Variants in CEP85 observed in about 807,000 individuals in gnomAD.
CEP85 encodes centrosomal protein 85.
A neutral mutation model predicts 93.7 loss-of-function variants in CEP85; 58 were observed. That is an observed-to-expected ratio of 0.62 (90% confidence interval 0.50 to 0.77). CEP85 has a LOEUF of 0.77. Among genes scored for constraint, CEP85 ranks in the 30% least tolerant of loss-of-function variants. CEP85 has a pLI of 0.00. For missense variants in CEP85, 868 were observed against 922.0 expected, an observed-to-expected ratio of 0.94 and a Z score of 0.76; for synonymous variants, 314 against 338.6, an observed-to-expected ratio of 0.93 and a Z score of 0.80.
At chr1:26,263,256 G>T in intron 7 of CEP85, 1 of 332,120 alleles carries the variant, frequency 3.0e-6, no homozygotes, top group Non-Finnish European at 5.9e-6. Context: ...GATCTTATAA[G>T]GAAGTGCTCA....
At chr1:26,247,669 C>A (rs2089532226) in intron 3 of CEP85, among the ~76,000 whole-genome samples, 1 of 152,048 alleles carries the variant, frequency 6.6e-6, no homozygotes, top group Non-Finnish European at 1.5e-5. Context: ...AAGATAGGGT[C>A]TCTTTTTGTC....
intron 4 of CEP85, among the ~76,000 whole-genome samples, chr1:26,257,351 A>T (rs1028402979): frequency 3.3e-5 from 5 of 152,236 alleles, no homozygotes; most frequent in African/African-American, 9.6e-5. Flanking sequence ...TTGCTAGATA[A>T]TAAAAGATAA....
intron 12 of CEP85, among the ~76,000 whole-genome samples, chr1:26,275,399 G>A (rs534083716): frequency 1.2e-4 from 18 of 151,402 alleles, no homozygotes; most frequent in Non-Finnish European, 2.5e-4. Context: ...CCCTGCCTCA[G>A]CCTCCTGTGT....
At chr1:26,272,827 C>G (rs919231701) in intron 11 of CEP85, among the ~76,000 whole-genome samples, 2 of 151,958 alleles carry the variant, frequency 1.3e-5, no homozygotes, top group African/African-American at 4.8e-5. Context: ...CGGGGTTTCA[C>G]CACGTTGGCC....
At chr1:26,266,642 T>C (rs2089899134) in intron 7 of CEP85, among the ~76,000 whole-genome samples, 1 of 152,248 alleles carries the variant, frequency 6.6e-6, no homozygotes, top group South Asian at 2.1e-4. Context: ...GGGATCTTTC[T>C]TTGTACTGTT....
At chr1:26,239,536 G>T (rs1280395371) in intron 1 of CEP85, among the ~76,000 whole-genome samples, 2 of 150,222 alleles carry the variant, frequency 1.3e-5, no homozygotes, top group Non-Finnish European at 1.5e-5. Context: ...GTTTTTAGTA[G>T]AAATGGGGTT....
intron 4 of CEP85, 23 bp downstream of exon 4, chr1:26,255,888 A>G: frequency 6.4e-7 from 1 of 1,568,868 alleles, no homozygotes; most frequent in Non-Finnish European, 8.7e-7. Context: ...CTTTCCTTGG[A>G]TTTTCTAGGT....
intron 11 of CEP85, chr1:26,272,371 A>G (rs2089987952): frequency 2.6e-6 from 1 of 378,362 alleles, no homozygotes; most frequent in East Asian, 4.4e-5. Context: ...ATGAGGAGTT[A>G]GCCAGGCAAA....
At chr1:26,265,625 T>G (rs1344172516) in intron 7 of CEP85, among the ~76,000 whole-genome samples, 1 of 152,218 alleles carries the variant, frequency 6.6e-6, no homozygotes, top group Non-Finnish European at 1.5e-5. Flanking sequence ...CTGTGGTTGA[T>G]ACTTGCCTCC....
intron 7 of CEP85, among the ~76,000 whole-genome samples, chr1:26,261,442 A>G (rs1336125591): frequency 6.6e-6 from 1 of 152,142 alleles, no homozygotes; most frequent in Non-Finnish European, 1.5e-5. Context: ...ATTGCACCCC[A>G]GCCTAGGCAA....
At chr1:26,250,265 C>G (rs772465939) in intron 3 of CEP85, among the ~76,000 whole-genome samples, 1 of 152,230 alleles carries the variant, frequency 6.6e-6, no homozygotes, top group African/African-American at 2.4e-5. Context: ...GCAAGCATTA[C>G]TGCCTGAGCT....
Position 26,255,723 on chromosome 1 carries a change from C to T in CEP85, c.761C>T (p.Pro254Leu). Residue 254 changes from proline to leucine, a missense_variant, in exon 4 of 14, where the codon CCT becomes CTT. Coordinates refer to ENST00000451429, the MANE Select transcript of CEP85 (RefSeq NM_001319944.2). ...SSGVLPLGLQ[P>L]APGLSKPLPS... ...GGGGTCCTCCCTTTGGGACTCCAGC[C>T]TGCTCCCGGGCTCTCCAAGCCTCTG... is the stretch of plus-strand genomic sequence containing the variant. The T allele has an allele frequency of 6.2e-7, 1 of 1,614,176 alleles. No individual in the cohort carries two copies. The highest frequency in any genetic ancestry group is 8.5e-7 in the Non-Finnish European group (1 of 1,180,020).
intron 3 of CEP85, among the ~76,000 whole-genome samples, chr1:26,245,576 T>C (rs576202789): frequency 2.6e-5 from 4 of 152,308 alleles, no homozygotes; most frequent in African/African-American, 7.2e-5. Context: ...GGCAATACTT[T>C]ATAAGGGCAT....
chr1:26,264,352 G>A (rs2089859008), intron 7 of CEP85, among the ~76,000 whole-genome samples: 1 of 152,140 alleles, frequency 6.6e-6, no homozygotes, highest in African/African-American at 2.4e-5. Context: ...GGCCAACATG[G>A]TGAAATCCTG....
chr1:26,261,526 ATC>A (rs1233263273), intron 7 of CEP85, among the ~76,000 whole-genome samples: 1 of 152,124 alleles, frequency 6.6e-6, no homozygotes, highest in Non-Finnish European at 1.5e-5. Context: ...TAATTTATAT[ATC>A]TGTTAGGTAA....
intron 13 of CEP85, 126 bp from the exon 14 acceptor site, chr1:26,277,010 C>T: frequency 9.5e-7 from 1 of 1,050,994 alleles, no homozygotes; most frequent in Non-Finnish European, 1.4e-6. Context: ...CCACTGTCCC[C>T]AGATGCTTTT....
intron 3 of CEP85, chr1:26,254,639 C>T (rs1169247213): frequency 6.3e-6 from 1 of 158,108 alleles, no homozygotes; most frequent in Non-Finnish European, 1.4e-5. Flanking sequence ...ACTCCCTGTC[C>T]TGCATACTGA....
intron 7 of CEP85, among the ~76,000 whole-genome samples, chr1:26,261,549 A>G (rs974895528): frequency 1.3e-5 from 2 of 152,146 alleles, no homozygotes; most frequent in Non-Finnish European, 2.9e-5. Context: ...TTAAATACCA[A>G]TAGATTTATA....
intron 11 of CEP85, among the ~76,000 whole-genome samples, chr1:26,274,556 C>G (rs1438020748): frequency 6.6e-6 from 1 of 152,154 alleles, no homozygotes; most frequent in African/African-American, 2.4e-5. Flanking sequence ...TCAGGTGTGC[C>G]TTGGAGGTTT....
Sources: allele counts gnomAD v4.1 joint callset (sites outside exome capture counted in the v4.1 genomes callset), GRCh38; gene constraint gnomAD v4.1.1; transcripts MANE v1.5; gene names NCBI Gene and HGNC (gene_info 2026-07-23, HGNC 2026-07-21).